Variants in IQGAP2 observed in about 807,000 individuals in gnomAD.
The protein encoded by IQGAP2 is IQ motif containing GTPase activating protein 2, also known as ras GTPase-activating-like protein IQGAP2.
A neutral mutation model predicts 201.3 loss-of-function variants in IQGAP2; 173 were observed. The ratio of observed to expected loss-of-function variants is 0.86; its 90% CI spans 0.76 to 0.98. The LOEUF is 0.98. Among genes scored for constraint, IQGAP2 ranks in the 50% least tolerant of loss-of-function variants. The pLI, the probability that IQGAP2 is intolerant of heterozygous loss-of-function variation, is 0.00. For missense variants in IQGAP2, 1,687 were observed against 1,864.8 expected, an observed-to-expected ratio of 0.90 and a Z score of 1.76; for synonymous variants, 675 against 673.9, an observed-to-expected ratio of 1.00 and a Z score of -0.03.
intron 9 of IQGAP2, among the ~76,000 whole-genome samples, chr5:76,595,768 A>AAGAGAGAGAGAGAGAGAGAGAGAGAGAG (rs142088212): frequency 6.9e-6 from 1 of 144,188 alleles, no homozygotes; most frequent in African/African-American, 2.6e-5. Flanking sequence ...CAAAAAAAGA[A>AAGAGAGAGAGAGAGAGAGAGAGAGAGAG]AGAGAGAGAG....
At chr5:76,438,386 A>G (rs1752837564) in intron 1 of IQGAP2, among the ~76,000 whole-genome samples, 1 of 152,084 alleles carries the variant, frequency 6.6e-6, no homozygotes, top group Admixed American at 6.6e-5. Context: ...AGGAGTTCAT[A>G]GTATTCTCAA....
At chr5:76,604,841 T>C (rs575871305) in intron 11 of IQGAP2, among the ~76,000 whole-genome samples, 1 of 152,354 alleles carries the variant, frequency 6.6e-6, no homozygotes, top group African/African-American at 2.4e-5. Flanking sequence ...CCATTTCCTA[T>C]TTTTGAATGT....
In IQGAP2 at chr5:76,501,643, C is replaced by CTTTCTTTTT. The variant is rs1554062083; in HGVS notation, c.146+39977_146+39978insCTTTTTTTT. Reference sequence around the variant, plus strand: ...CCTGCTGCATTTTCTTTTTCCTTTTCTTTTTTTTTTTTTTCCTTGAGACAG... The same window carrying CTTTCTTTTT: ...CCTGCTGCATTTTCTTTTTCCTTTTCTTTCTTTTTTTTTTTTTTTTTTTCCTTGAGACAG... On this transcript the variant is annotated intron_variant, in intron 2 of 35. Transcript: ENST00000274364. Among the ~76,000 whole-genome samples, 17 of 101,134 alleles carry CTTTCTTTTT rather than the reference C, an allele frequency of 1.7e-4. 1 individual carries two copies. Among genetic ancestry groups the CTTTCTTTTT allele is most frequent in the East Asian group, 5.3e-4 (2 of 3,776 alleles). The allele number at this position is 101,134 out of a possible 152,430, so 66.3% of individuals were successfully genotyped here. A position where few individuals can be genotyped will look rare whatever the true frequency, so the allele number is the denominator to read the frequency against.
chr5:76,697,904 C>G, intron 32 of IQGAP2, 83 bp from the exon 33 acceptor site: 1 of 1,052,738 alleles, frequency 9.5e-7, no homozygotes, highest in Non-Finnish European at 1.4e-6. Context: ...CTTACTACTG[C>G]TTGATATTCT....
At chr5:76,599,418 G>A (rs990726987) in intron 10 of IQGAP2, among the ~76,000 whole-genome samples, 1 of 152,092 alleles carries the variant, frequency 6.6e-6, no homozygotes, top group Non-Finnish European at 1.5e-5. Flanking sequence ...GTTAACCTGT[G>A]GCTGTCCAAC....
chr5:76,544,057 G>A (rs1742947283), intron 2 of IQGAP2, among the ~76,000 whole-genome samples: 2 of 152,086 alleles, frequency 1.3e-5, no homozygotes, highest in Admixed American at 6.5e-5. Context: ...TGAACATGCT[G>A]TAGGAATGGG....
chr5:76,563,614 A>C (rs1744536076), intron 3 of IQGAP2, among the ~76,000 whole-genome samples: 1 of 152,226 alleles, frequency 6.6e-6, no homozygotes, highest in Non-Finnish European at 1.5e-5. Context: ...GTATCTTCAA[A>C]ACAGATTTTT....
At chr5:76,506,197 G>A (rs1280251189) in intron 2 of IQGAP2, among the ~76,000 whole-genome samples, 3 of 152,148 alleles carry the variant, frequency 2.0e-5, no homozygotes, top group Non-Finnish European at 4.4e-5. Context: ...CCATTCGTAG[G>A]TCAAACATTG....
At chr5:76,488,673 A>T (rs1022115514) in intron 2 of IQGAP2, among the ~76,000 whole-genome samples, 5 of 152,180 alleles carry the variant, frequency 3.3e-5, no homozygotes, top group African/African-American at 1.2e-4. Context: ...TTGCTTCAGT[A>T]AGGGAGGTAC....
intron 2 of IQGAP2, among the ~76,000 whole-genome samples, chr5:76,470,382 G>A (rs1755036872): frequency 1.3e-5 from 2 of 152,248 alleles, no homozygotes; most frequent in South Asian, 2.1e-4. Context: ...AGAGGGATGG[G>A]GATGACTGGG....
chr5:76,645,135 T>G (rs1751930185), intron 17 of IQGAP2, among the ~76,000 whole-genome samples: 1 of 152,178 alleles, frequency 6.6e-6, no homozygotes, highest in African/African-American at 2.4e-5. Flanking sequence ...TTGCTGAGAA[T>G]GATGGTTTCC....
chr5:76,600,408 C>A (rs749294258), intron 10 of IQGAP2, among the ~76,000 whole-genome samples: 2 of 152,140 alleles, frequency 1.3e-5, no homozygotes, highest in Non-Finnish European at 2.9e-5. Flanking sequence ...TCCCTTAACC[C>A]TTAATTCAAA....
At position 76,648,148 on chromosome 5, in the gene IQGAP2, A is replaced by G. The variant is rs970598306; in HGVS notation, c.2095-4602A>G. ...CCCCTACTCTCCCAGCCAGAGTGAT[A>G]TCAAGAGAGGTCCAGTAGGTAGCTG... On this transcript the variant is annotated intron_variant, in intron 17 of 35. Transcript: ENST00000274364. Among the ~76,000 whole-genome samples the G allele has an allele frequency of 4.6e-5, 7 of 152,148 alleles. No homozygotes were observed. The East Asian group carries it at 1.3e-3, about 29-fold the overall frequency.
intron 22 of IQGAP2, among the ~76,000 whole-genome samples, chr5:76,666,493 G>A (rs1743767130): frequency 6.6e-6 from 1 of 152,166 alleles, no homozygotes. Flanking sequence ...TATATAGGTG[G>A]AGGCACATTT....
chr5:76,520,140 T>G (rs1179396266), intron 2 of IQGAP2, among the ~76,000 whole-genome samples: 3 of 147,758 alleles, frequency 2.0e-5, no homozygotes, highest in African/African-American at 4.9e-5. Context: ...TCCCTGGGTG[T>G]TTTTTTTTCC....
At chr5:76,622,086 C>T (rs913019963) in intron 13 of IQGAP2, among the ~76,000 whole-genome samples, 1 of 152,172 alleles carries the variant, frequency 6.6e-6, no homozygotes, top group Non-Finnish European at 1.5e-5. Flanking sequence ...GCAGGTTGGA[C>T]AAGCTTGCTT....
intron 1 of IQGAP2, among the ~76,000 whole-genome samples, chr5:76,417,833 C>T (rs1438209347): frequency 6.6e-6 from 1 of 151,692 alleles, no homozygotes; most frequent in Non-Finnish European, 1.5e-5. Context: ...CCGCCTCCCT[C>T]AGCCTCCTAA....
intron 21 of IQGAP2, chr5:76,660,471 C>G (rs1743154556): frequency 1.3e-5 from 2 of 152,118 alleles, no homozygotes. Context: ...CTTTTTATAG[C>G]CTTAAACTGC....
chr5:76,588,433 C>G (rs369423917), intron 5 of IQGAP2, among the ~76,000 whole-genome samples: 5 of 152,264 alleles, frequency 3.3e-5, no homozygotes, highest in African/African-American at 1.2e-4. Context: ...GATAGTCTTG[C>G]CACTCTATTT....
Sources: gnomAD v4.1 joint callset for allele counts (sites outside exome capture counted in the v4.1 genomes callset) on GRCh38, gnomAD v4.1.1 for gene constraint, MANE v1.5 for transcripts, NCBI Gene and HGNC (gene_info 2026-07-23, HGNC 2026-07-21) for gene names.